Variants in RTF1 observed in about 807,000 individuals in gnomAD.
RTF1 encodes RTF1 homolog, Paf1/RNA polymerase II complex component, also known as RNA polymerase-associated protein RTF1 homolog.
A neutral mutation model predicts 95.7 loss-of-function variants in RTF1; 10 were observed. The observed-to-expected ratio is 0.10, with a 90% CI of 0.06 to 0.18. The LOEUF is 0.18. RTF1 is among the 10% of genes least tolerant of loss of function. The probability of loss-of-function intolerance (pLI) is 1.00; values close to 1 mark genes in which losing one functional copy is unlikely to be tolerated. For synonymous variants in RTF1, 305 were observed against 311.8 expected (o/e 0.98, Z 0.23); for missense variants, 458 against 875.6 (o/e 0.52, Z 6.02).
chr15:41,459,706 A>G (rs545425472), intron 4 of RTF1, among the ~76,000 whole-genome samples: 17 of 152,344 alleles, frequency 1.1e-4, no homozygotes, highest in Admixed American at 3.9e-4. Flanking sequence ...TGTACAAGTT[A>G]GGTATCTGAC....
intron 2 of RTF1, chr15:41,448,683 C>T (rs2050775176): frequency 1.3e-5 from 2 of 151,946 alleles, no homozygotes; most frequent in African/African-American, 4.8e-5. Context: ...CACGCCACTG[C>T]ACTCCAGCTT....
intron 4 of RTF1, among the ~76,000 whole-genome samples, chr15:41,461,979 T>C (rs1161097203): frequency 6.6e-6 from 1 of 150,682 alleles, no homozygotes; most frequent in African/African-American, 2.4e-5. Flanking sequence ...GGTCTTGAAC[T>C]CCTGGCCTCA....
intron 1 of RTF1, among the ~76,000 whole-genome samples, chr15:41,434,984 G>A (rs1403139000): frequency 1.4e-5 from 2 of 143,888 alleles, no homozygotes; most frequent in African/African-American, 5.2e-5. Context: ...TTTTTGAGAT[G>A]GAGTCTCGCT....
chr15:41,440,703 A>G (rs2050729324), intron 2 of RTF1, among the ~76,000 whole-genome samples: 1 of 145,900 alleles, frequency 6.9e-6, no homozygotes, highest in Non-Finnish European at 1.5e-5. Context: ...GTTAGCCAAG[A>G]TGGTCTCATT....
At chr15:41,460,662 A>G (rs945755690) in intron 4 of RTF1, among the ~76,000 whole-genome samples, 4 of 152,022 alleles carry the variant, frequency 2.6e-5, no homozygotes, top group Non-Finnish European at 5.9e-5. Context: ...TACGTGAATG[A>G]GACAGTTGAC....
chr15:41,461,527 C>T lies in RTF1; in HGVS notation c.663-3244C>T, dbSNP rs369161241. On this transcript the variant is annotated intron_variant, in intron 4 of 17. Transcript: ENST00000389629. Reference sequence around the variant, plus strand: ...TTTTTTTTTGAGACTGAGTCTCGCTCTGTCCCCCAGGCTGGAGTGCAGTGG... The same window carrying T: ...TTTTTTTTTGAGACTGAGTCTCGCTTTGTCCCCCAGGCTGGAGTGCAGTGG... Among the ~76,000 whole-genome samples the T allele has an allele frequency of 3.2e-4, 47 of 146,624 alleles. 1 individual carries two copies. The East Asian group carries it at 8.4e-3, about 26-fold the overall frequency.
chr15:41,471,467 C>T (rs932355166), intron 8 of RTF1, 118 bp downstream of exon 8: 4 of 1,060,754 alleles, frequency 3.8e-6, no homozygotes, highest in East Asian at 2.6e-5. Context: ...GGAAAGTAGA[C>T]TCCAAGTGGG....
At chr15:41,429,612 C>T (rs2050658420) in intron 1 of RTF1, among the ~76,000 whole-genome samples, 5 of 152,150 alleles carry the variant, frequency 3.3e-5, no homozygotes, top group Non-Finnish European at 7.3e-5. Context: ...CACTAACCCA[C>T]CGCATTCAAT....
intron 3 of RTF1, among the ~76,000 whole-genome samples, chr15:41,455,739 G>T (rs2050810629): frequency 6.6e-6 from 1 of 151,478 alleles, no homozygotes; most frequent in Admixed American, 6.6e-5. Context: ...GGAGGTTGCA[G>T]TGAGCCGAGA....
chr15:41,420,923 A>C (rs546915098), intron 1 of RTF1, among the ~76,000 whole-genome samples: 1 of 152,360 alleles, frequency 6.6e-6, no homozygotes, highest in Non-Finnish European at 1.5e-5. Context: ...TATGTTAGTG[A>C]TTAAGATCAC....
At chr15:41,436,142 A>G (rs541503191) in intron 1 of RTF1, among the ~76,000 whole-genome samples, 3 of 152,094 alleles carry the variant, frequency 2.0e-5, no homozygotes, top group East Asian at 3.9e-4. Context: ...CCCCATTTCT[A>G]CTAAAAGTAC....
Position 41,471,199 on chromosome 15 carries a change from A to G in RTF1, c.1053A>G (p.Gln351=). The change falls in exon 8 of 18, where the codon CAA becomes CAG. Residue 351 remains glutamine (Q), a synonymous_variant. Transcript: ENST00000389629. ...EEKEEIPPKS[Q]PVSLPEELNR... ...AAGAAGAGATCCCTCCCAAATCCCA[A>G]CCAGTTTCCTTACCTGAAGAATTGA... is the stretch of plus-strand genomic sequence containing the variant. 6.2e-7 allele frequency: 1 copy of G among 1,612,146 alleles called. No homozygotes were observed. The highest frequency in any genetic ancestry group is 1.3e-5 in the African/African-American group (1 of 74,954).
At chr15:41,439,858 G>A (rs1391076509) in intron 2 of RTF1, among the ~76,000 whole-genome samples, 2 of 151,980 alleles carry the variant, frequency 1.3e-5, no homozygotes, top group East Asian at 1.9e-4. Context: ...TGCCACGTTC[G>A]CCAGGCTGGT....
intron 8 of RTF1, among the ~76,000 whole-genome samples, chr15:41,473,772 C>T (rs919521813): frequency 6.6e-6 from 1 of 151,594 alleles, no homozygotes; most frequent in African/African-American, 2.4e-5. Context: ...CGGCTGGGCG[C>T]AGTGGCTCAC....
chr15:41,480,725 A>C lies in RTF1; in HGVS notation c.*38A>C. ...TGCTGCTTCTGACCCTGCATGCCCC[A>C]TCGCAGCGTCCCACCTTTCCTCCTT... On this transcript the variant is annotated 3_prime_UTR_variant, in exon 18 of 18. Transcript: ENST00000389629. 1 of 1,404,238 alleles carries C rather than the reference A, an allele frequency of 7.1e-7. No individual in the cohort carries two copies. The highest frequency in any genetic ancestry group is 1.0e-6 in the Non-Finnish European group (1 of 988,934). The allele number at this position is 1,404,238 out of a possible 1,614,324, so 87.0% of individuals were successfully genotyped here.
At chr15:41,435,378 GT>G (rs552422941) in intron 1 of RTF1, among the ~76,000 whole-genome samples, 34 of 141,784 alleles carry the variant, frequency 2.4e-4, no homozygotes, top group East Asian at 6.2e-4. Flanking sequence ...TTTTTGTTTT[GT>G]TTTTTTTTTT....
At position 41,478,828 on chromosome 15, in the gene RTF1, ACCTAGTGACTGAT is replaced by A. The variant is rs369175129; in HGVS notation, c.1818+207_1818+219del. On this transcript the variant is annotated intron_variant, in intron 15 of 17. Transcript: ENST00000389629. ...GAAAACGTGGCATGGATTTATAAAAACCTAGTGACTGATCCTCCTGTATCAGGGTGGGTTTACA... is the reference window on the plus strand; with the variant it reads ...GAAAACGTGGCATGGATTTATAAAAACCTCCTGTATCAGGGTGGGTTTACA... 495 of 612,780 alleles carry A rather than the reference ACCTAGTGACTGAT, an allele frequency of 8.1e-4. 1 individual carries two copies. In the African/African-American group the frequency reaches 8.1e-3, roughly 10 times the overall value. 38.0% of individuals were successfully genotyped at this position (612,780 alleles called of 1,614,324 possible). A position where few individuals can be genotyped will look rare whatever the true frequency, so the allele number is the denominator to read the frequency against.
At chr15:41,424,612 A>C (rs1434295209) in intron 1 of RTF1, among the ~76,000 whole-genome samples, 3 of 152,266 alleles carry the variant, frequency 2.0e-5, no homozygotes, top group Non-Finnish European at 2.9e-5. Flanking sequence ...AATGTGTCAT[A>C]CATAGTAAAT....
intron 3 of RTF1, among the ~76,000 whole-genome samples, chr15:41,453,840 A>C (rs757257763): frequency 3.9e-5 from 6 of 152,204 alleles, no homozygotes; most frequent in Non-Finnish European, 7.3e-5. Context: ...AAAAATTTTA[A>C]AAACATTTTT....
Sources: gnomAD v4.1 joint callset for allele counts (sites outside exome capture counted in the v4.1 genomes callset) on GRCh38, gnomAD v4.1.1 for gene constraint, MANE v1.5 for transcripts, NCBI Gene and HGNC (gene_info 2026-07-23, HGNC 2026-07-21) for gene names.